The following MSS51 variants were observed in gnomAD, a reference collection of about 807,000 sequenced individuals.
MSS51 encodes MSS51 mitochondrial translational activator.
A neutral mutation model predicts 40.2 loss-of-function variants in MSS51; 32 were observed. That is an observed-to-expected ratio of 0.80 (90% CI 0.60 to 1.07). The LOEUF (loss-of-function observed/expected upper bound fraction) is 1.07. Ranked by LOEUF, MSS51 falls within the 50% of genes least tolerant of loss-of-function variation. MSS51 has a pLI of 0.00. For missense variants in MSS51, 518 were observed against 568.9 expected (o/e 0.91, Z 0.91); for synonymous variants, 178 against 214.2 (o/e 0.83, Z 1.48).
chr10:73,427,811 A>G (rs780858671), intron 2 of MSS51, 43 bp from the exon 3 acceptor site: 9 of 1,599,634 alleles, frequency 5.6e-6, no homozygotes, highest in Non-Finnish European at 7.7e-6. Context: ...GGGGAAAGGA[A>G]TATCTCCAAA....
chr10:73,429,980 A>T (rs1418845971), intron 1 of MSS51, among the ~76,000 whole-genome samples: 2 of 152,224 alleles, frequency 1.3e-5, no homozygotes, highest in Admixed American at 6.5e-5. Flanking sequence ...CAGTTGGAAT[A>T]GACCTTGAAA....
At chr10:73,426,428 A>G in intron 4 of MSS51, 51 bp from the exon 5 acceptor site, 12 of 1,574,262 alleles carry the variant, frequency 7.6e-6, no homozygotes, top group Non-Finnish European at 8.6e-6. Flanking sequence ...TGGCTTCAAA[A>G]TTTCCCCCTC....
intron 5 of MSS51, 72 bp from the exon 6 acceptor site, chr10:73,425,263 C>T: frequency 1.1e-6 from 1 of 910,738 alleles, no homozygotes; most frequent in Non-Finnish European, 1.7e-6. Flanking sequence ...ATTTCTTTGA[C>T]TGTGAGCACC....
intron 1 of MSS51, among the ~76,000 whole-genome samples, chr10:73,432,166 G>A (rs1472235559): frequency 6.6e-6 from 1 of 152,182 alleles, no homozygotes; most frequent in Non-Finnish European, 1.5e-5. Flanking sequence ...AGCCTCCTGA[G>A]TAGCTGGGAT....
Position 73,426,397 on chromosome 10 carries a change from A to G in MSS51, c.503-20T>C, listed in dbSNP as rs1564541356. 1.9e-6 allele frequency: 3 copies of G among 1,597,566 alleles called. No individual in the cohort carries two copies. The highest frequency in any genetic ancestry group is 2.5e-6 in the Non-Finnish European group (3 of 1,177,614). On this transcript the variant is annotated intron_variant, in intron 4 of 6. Transcript: ENST00000299432. ...AATCACCTGTAGGAAAGAAGAAATA[A>G]GAAGTAACCTAATGCTTTCCTGGCT...
Position 73,426,145 on chromosome 10 carries a change from A to C in MSS51, c.735T>G (p.Thr245=). The change falls in exon 5 of 7, where the codon ACT becomes ACG. Residue 245 remains threonine, a synonymous_variant. Transcript: ENST00000299432. ...CCAAGGCCCTAAGTCCTAGGCCTAG[A>C]GTCAAGGGCCGTGACAGGACATCTG... is the stretch of plus-strand genomic sequence containing the variant. The part of the protein sequence containing the change: ...LLTDVLSRPL[T]LGLGLRALGI... 1 of 1,614,188 alleles carries C rather than the reference A, an allele frequency of 6.2e-7. No individual in the cohort carries two copies. The highest frequency in any genetic ancestry group is 8.5e-7 in the Non-Finnish European group (1 of 1,180,010).
intron 5 of MSS51, 53 bp downstream of exon 5, chr10:73,425,758 T>A: frequency 6.7e-7 from 1 of 1,495,752 alleles, no homozygotes; most frequent in South Asian, 1.3e-5. Flanking sequence ...AGATTCAGGA[T>A]GGAAAATTCT....
intron 1 of MSS51, among the ~76,000 whole-genome samples, chr10:73,432,072 T>C (rs1201704258): frequency 6.6e-6 from 1 of 152,230 alleles, no homozygotes; most frequent in Non-Finnish European, 1.5e-5. Flanking sequence ...AGAGTCTCAC[T>C]CTGTCACCCA....
rs144388024 is a variant in MSS51, at chr10:73,426,289, G to A, written c.591C>T (p.His197=). The A allele has an allele frequency of 4.2e-4, 678 of 1,609,704 alleles. No individual in the cohort carries two copies. Among genetic ancestry groups the A allele is most frequent in the Non-Finnish European group, 5.3e-4 (630 of 1,180,018 alleles). Residue 197 remains histidine (H), a synonymous_variant, in exon 5 of 7, where the codon CAC becomes CAT. Transcript: ENST00000299432. ...GCACAGCATCCAATGTAGCATCTAG[G>A]TGTAACCCCTTCATAGAAAACCAGG... ...WDSWFSMKGL[H]LDATLDAVLV... is the part of the protein sequence containing the mutation.
At chr10:73,428,627 G>A (rs988613730) in intron 1 of MSS51, among the ~76,000 whole-genome samples, 165 of 151,726 alleles carry the variant, frequency 1.1e-3, no homozygotes, top group African/African-American at 3.8e-3. Flanking sequence ...CTGGGACTAC[G>A]GGCAGGCGCC....
intron 1 of MSS51, among the ~76,000 whole-genome samples, chr10:73,432,130 C>T (rs1450889576): frequency 1.3e-5 from 2 of 152,204 alleles, no homozygotes; most frequent in Non-Finnish European, 2.9e-5. Context: ...CCTCCACCTC[C>T]CGGGTTCAAG....
intron 1 of MSS51, chr10:73,429,541 T>G: frequency 4.5e-6 from 2 of 447,664 alleles, no homozygotes; most frequent in Non-Finnish European, 9.0e-6. Flanking sequence ...AAACGTGCAC[T>G]AAGAGTTATG....
In MSS51 at chr10:73,427,671, G is replaced by C. The variant is rs200947443; in HGVS notation, c.319C>G (p.His107Asp). The C allele has an allele frequency of 1.9e-6, 3 of 1,614,198 alleles. No individual in the cohort carries two copies. Among genetic ancestry groups the C allele is most frequent in the African/African-American group, 1.3e-5 (1 of 75,056 alleles). Residue 107 changes from histidine (H) to aspartate (D), a missense_variant, in exon 3 of 7, where the codon CAC (histidine) becomes GAC (aspartate). His to Asp is a moderately conservative substitution (Grantham distance 81). Transcript: ENST00000299432. Reference protein sequence around the residue: ...RMEDTFRFCAHCRALPSGLSD... With the variant: ...RMEDTFRFCADCRALPSGLSD... ...AGCCCACTAGGGAGTGCTCTACAGT[G>C]AGCACAGAATCGAAATGTGTCTTCC...
chr10:73,430,771 G>A (rs1430276315), intron 1 of MSS51, among the ~76,000 whole-genome samples: 1 of 152,048 alleles, frequency 6.6e-6, no homozygotes, highest in African/African-American at 2.4e-5. Flanking sequence ...TCTTAGGTAT[G>A]TGCCCAAAAT....
At chr10:73,424,941 C>G in intron 6 of MSS51, 157 bp downstream of exon 6, 1 of 781,206 alleles carries the variant, frequency 1.3e-6, no homozygotes. Context: ...ATTCCATTAA[C>G]TAGCAAAGGA....
chr10:73,429,067 G>C (rs372632118), intron 1 of MSS51, among the ~76,000 whole-genome samples: 2 of 151,980 alleles, frequency 1.3e-5, no homozygotes, highest in African/African-American at 2.4e-5. Flanking sequence ...TTAGCTGGAC[G>C]TGGTGGTGGG....
chr10:73,425,020 G>C, intron 6 of MSS51, 78 bp downstream of exon 6: 1 of 1,156,628 alleles, frequency 8.6e-7, no homozygotes, highest in Non-Finnish European at 1.3e-6. Context: ...ATGAGCAAGA[G>C]GGGGGCAAAA....
At chr10:73,425,738 C>A in intron 5 of MSS51, 73 bp downstream of exon 5, 1 of 1,373,988 alleles carries the variant, frequency 7.3e-7, no homozygotes. Flanking sequence ...AATGGGGTTC[C>A]AAAGACAGAA....
chr10:73,426,377 C>A lies in MSS51; in HGVS notation c.503G>T (p.Gly168Val). Residue 168 changes from glycine to valine, a missense_variant and splice_region_variant, in exon 5 of 7, where the codon GGT becomes GTT. Coordinates refer to ENST00000299432, the MANE Select transcript of MSS51 (RefSeq NM_001024593.2). ...DRLMEWLLVT[G>V]DFVLPSGPWP... is the part of the protein sequence containing the mutation. ...AGGTCCTGAGGGTAGAACAAAATCA[C>A]CTGTAGGAAAGAAGAAATAAGAAGT... 1.2e-6 allele frequency: 2 copies of A among 1,600,056 alleles called. No individual in the cohort carries two copies. The highest frequency in any genetic ancestry group is 1.7e-6 in the Non-Finnish European group (2 of 1,179,144).
Sources: gnomAD v4.1 joint callset for allele counts (sites outside exome capture counted in the v4.1 genomes callset) on GRCh38, gnomAD v4.1.1 for gene constraint, MANE v1.5 for transcripts, NCBI Gene and HGNC (gene_info 2026-07-23, HGNC 2026-07-21) for gene names.